MED27: variants seen among roughly 807,000 people sequenced by gnomAD.
MED27 encodes the protein mediator of RNA polymerase II transcription subunit 27.
MED27 carries 30 observed loss-of-function variants against 38.2 expected under a neutral mutation model. The observed-to-expected ratio is 0.79, with a 90% CI of 0.59 to 1.07. The LOEUF (loss-of-function observed/expected upper bound fraction) is 1.07, where lower values mean the gene tolerates loss of function less well. Among genes scored for constraint, MED27 ranks in the 50% least tolerant of loss-of-function variants. The pLI, the probability that MED27 is intolerant of heterozygous loss-of-function variation, is 0.00. For synonymous variants in MED27, 122 were observed against 153.5 expected (o/e 0.79, Z 1.52); for missense variants, 289 against 397.5 (o/e 0.73, Z 2.32).
intron 3 of MED27, among the ~76,000 whole-genome samples, chr9:132,012,956 C>G (rs1227268893): frequency 6.6e-6 from 1 of 152,190 alleles, no homozygotes; most frequent in Admixed American, 6.5e-5. Flanking sequence ...ACAATCAACT[C>G]ATATATGCCA....
Position 131,993,478 on chromosome 9 carries a change from T to C in MED27, c.479+20859A>G, listed in dbSNP as rs568570378. ...ACAGTCAACACGTGGGCTCCAGCTG[T>C]CAGCTCACGCAGAGTCAGCGTCAGC... is the stretch of plus-strand genomic sequence containing the variant. On this transcript the variant is annotated intron_variant, in intron 3 of 7. Transcript: ENST00000292035. 1.3e-3 allele frequency among the ~76,000 whole-genome samples: 196 copies of C among 152,292 alleles called. 1 individual carries two copies. The highest frequency in any genetic ancestry group is 4.5e-3 in the African/African-American group (188 of 41,560).
intron 3 of MED27, among the ~76,000 whole-genome samples, chr9:131,968,122 A>G (rs1273932758): frequency 6.6e-6 from 1 of 152,090 alleles, no homozygotes; most frequent in Non-Finnish European, 1.5e-5. Context: ...CCCCGGCCTC[A>G]TGATTCTTAT....
At chr9:131,908,942 C>T (rs1830136282) in intron 4 of MED27, among the ~76,000 whole-genome samples, 1 of 151,794 alleles carries the variant, frequency 6.6e-6, no homozygotes. Flanking sequence ...CCCAGAAGGT[C>T]TCAGCCTTAT....
chr9:131,919,339 G>C (rs1830348510), intron 4 of MED27, among the ~76,000 whole-genome samples: 1 of 152,216 alleles, frequency 6.6e-6, no homozygotes, highest in Non-Finnish European at 1.5e-5. Flanking sequence ...GCTGGGTCCT[G>C]AGTTCACCTT....
chr9:131,867,421 G>C (rs773390989), intron 6 of MED27, among the ~76,000 whole-genome samples: 3 of 152,198 alleles, frequency 2.0e-5, no homozygotes, highest in East Asian at 1.9e-4. Flanking sequence ...AAATGAGCTT[G>C]AGTTGTGCAG....
intron 2 of MED27, among the ~76,000 whole-genome samples, chr9:132,045,960 G>T (rs1026819175): frequency 7.2e-5 from 11 of 152,150 alleles, no homozygotes; most frequent in Non-Finnish European, 1.2e-4. Context: ...AGCCATACTG[G>T]ACAACTTGGG....
chr9:132,052,436 T>C (rs1369622067), intron 2 of MED27, among the ~76,000 whole-genome samples: 2 of 152,158 alleles, frequency 1.3e-5, no homozygotes, highest in East Asian at 3.8e-4. Flanking sequence ...AGAGGTCACA[T>C]TTCAAAGCTA....
intron 4 of MED27, among the ~76,000 whole-genome samples, chr9:131,932,383 A>G (rs1223357965): frequency 2.9e-3 from 9 of 3,112 alleles, no homozygotes; most frequent in Admixed American, 0.011. Context: ...CTAATTAGGG[A>G]AAAAAAAAAA....
intron 2 of MED27, among the ~76,000 whole-genome samples, chr9:132,048,192 A>G (rs1833382437): frequency 6.6e-6 from 1 of 152,164 alleles, no homozygotes; most frequent in Admixed American, 6.5e-5. Flanking sequence ...TTTTTCTTCT[A>G]TCTTGCAAAC....
At chr9:132,011,006 A>G (rs192817298) in intron 3 of MED27, among the ~76,000 whole-genome samples, 1 of 152,326 alleles carries the variant, frequency 6.6e-6, no homozygotes, top group East Asian at 1.9e-4. Flanking sequence ...GGTTGTGCAC[A>G]TGTACCCTAG....
intron 2 of MED27, among the ~76,000 whole-genome samples, chr9:132,055,623 T>C (rs1336508903): frequency 2.0e-5 from 3 of 152,286 alleles, no homozygotes; most frequent in East Asian, 1.9e-4. Context: ...TACTCACTCA[T>C]AGCACTCATA....
intron 2 of MED27, among the ~76,000 whole-genome samples, chr9:132,056,570 T>C (rs1833582393): frequency 6.6e-6 from 1 of 152,240 alleles, no homozygotes; most frequent in African/African-American, 2.4e-5. Context: ...GGATTTAGGA[T>C]ACTCAACTGG....
chr9:132,056,817 G>C (rs1432239385), intron 2 of MED27, among the ~76,000 whole-genome samples: 1 of 152,170 alleles, frequency 6.6e-6, no homozygotes, highest in African/African-American at 2.4e-5. Flanking sequence ...CAGTGGACCA[G>C]AACAAAGAGC....
chr9:132,010,051 G>C (rs932489019), intron 3 of MED27, among the ~76,000 whole-genome samples: 6 of 152,178 alleles, frequency 3.9e-5, no homozygotes, highest in Admixed American at 1.3e-4. Context: ...CTTTTGCTGT[G>C]CAGAAGCTCT....
At chr9:131,884,031 G>C (rs1017286192) in intron 6 of MED27, 27 bp downstream of exon 6, 1 of 1,601,772 alleles carries the variant, frequency 6.2e-7, no homozygotes, top group Non-Finnish European at 8.5e-7. Flanking sequence ...AATGCCGCTT[G>C]AGTAAGAAGC....
At chr9:131,950,560 T>G (rs1040427665) in intron 3 of MED27, among the ~76,000 whole-genome samples, 4 of 152,158 alleles carry the variant, frequency 2.6e-5, no homozygotes, top group African/African-American at 9.7e-5. Context: ...ACATGGTAGA[T>G]TTCACAAAAA....
At chr9:132,067,344 G>A (rs1429708549) in intron 2 of MED27, among the ~76,000 whole-genome samples, 1 of 152,168 alleles carries the variant, frequency 6.6e-6, no homozygotes, top group Non-Finnish European at 1.5e-5. Context: ...AGGCAATCAT[G>A]GGGTAAACAC....
intron 2 of MED27, among the ~76,000 whole-genome samples, chr9:132,042,906 C>G (rs1833249377): frequency 6.6e-6 from 1 of 152,132 alleles, no homozygotes; most frequent in Non-Finnish European, 1.5e-5. Flanking sequence ...TGTACATTAC[C>G]TTTGCCAACT....
chr9:132,014,408 G>T lies in MED27; in HGVS notation c.408C>A (p.Ser136=). 1 of 1,613,870 alleles carries T rather than the reference G, an allele frequency of 6.2e-7. No homozygotes were observed. Among genetic ancestry groups the T allele is most frequent in the Non-Finnish European group, 8.5e-7 (1 of 1,179,974 alleles). ...TGGCAGATACTCCCATCTGATTAGC[G>T]GAACGCTTCAATGACTGCTGATTTA... is the stretch of plus-strand genomic sequence containing the variant. The part of the protein sequence containing the change: ...GLLNQQSLKR[S]ANQMGVSAKR... The change falls in exon 3 of 8, where the codon TCC becomes TCA. Residue 136 remains serine, a synonymous_variant. Transcript: ENST00000292035.
Sources: gnomAD v4.1 joint callset for allele counts (sites outside exome capture counted in the v4.1 genomes callset) on GRCh38, gnomAD v4.1.1 for gene constraint, MANE v1.5 for transcripts, NCBI Gene and HGNC (gene_info 2026-07-23, HGNC 2026-07-21) for gene names.